Variants in CTSB observed in about 807,000 individuals in gnomAD.
The protein encoded by CTSB is APP secretase.
A neutral mutation model predicts 44.3 loss-of-function variants in CTSB; 57 were observed. That is an observed-to-expected ratio of 1.29 (90% confidence interval 1.04 to 1.60). The LOEUF (loss-of-function observed/expected upper bound fraction) is 1.60, where lower values mean the gene tolerates loss of function less well. Ranked by LOEUF, CTSB falls within the 40% of genes most tolerant of loss-of-function variation. The pLI, the probability that CTSB is intolerant of heterozygous loss-of-function variation, is 0.00. For synonymous variants in CTSB, 320 were observed against 168.0 expected (o/e 1.91, Z -7.00); for missense variants, 768 against 443.0 (o/e 1.73, Z -6.59).
chr8:11,867,102 G>C (rs1817264738), intron 1 of CTSB, among the ~76,000 whole-genome samples: 2 of 151,896 alleles, frequency 1.3e-5, no homozygotes, highest in South Asian at 2.1e-4. Context: ...GGCTTTCTCA[G>C]CGCCTGGGAA....
chr8:11,853,092 C>A (rs185634264), intron 2 of CTSB, among the ~76,000 whole-genome samples: 1 of 152,156 alleles, frequency 6.6e-6, no homozygotes, highest in Non-Finnish European at 1.5e-5. Context: ...CACACCTCCA[C>A]GTGCACACAA....
At chr8:11,860,338 G>C (rs1394714699) in intron 1 of CTSB, among the ~76,000 whole-genome samples, 1 of 151,912 alleles carries the variant, frequency 6.6e-6, no homozygotes, top group African/African-American at 2.4e-5. Flanking sequence ...AGAATTGAAA[G>C]TTGGCCGGGC....
In CTSB at chr8:11,848,909, G is replaced by A. The variant is rs149797657; in HGVS notation, c.446+137C>T. 1.9e-5 allele frequency: 12 copies of A among 618,776 alleles called. No individual in the cohort carries two copies. The East Asian group carries it at 3.3e-4, about 17-fold the overall frequency. The allele number at this position is 618,776 out of a possible 1,614,324, so 38.3% of individuals were successfully genotyped here. ...GCAGCAGCCTTGCCAGGCCCTGCCT[G>A]CCAGACTCTCGGAGTCTCCCCGAAA... On this transcript the variant is annotated intron_variant, in intron 5 of 9. Transcript: ENST00000353047.
chr8:11,867,683 C>T (rs1042260614), intron 1 of CTSB: 2 of 152,276 alleles, frequency 1.3e-5, no homozygotes, highest in African/African-American at 2.4e-5. Context: ...GCGCCTCCCT[C>T]GGCGGTCCTG....
chr8:11,847,071 G>C lies in CTSB; in HGVS notation c.774C>G (p.Asp258Glu). 1 of 1,605,512 alleles carries C rather than the reference G, an allele frequency of 6.2e-7. No individual in the cohort carries two copies. The highest frequency in any genetic ancestry group is 8.5e-7 in the Non-Finnish European group (1 of 1,172,792). Residue 258 changes from aspartate to glutamate, a missense_variant, in exon 8 of 10, where the codon GAC becomes GAG. Physicochemically the swap from Asp to Glu is conservative, Grantham distance 45. Transcript: ENST00000353047. ...PVEGAFSVYS[D>E]FLLYKSGVYQ... ...ACGCACCTGACTTGTAGAGCAGGAAGTCCGAATACACAGAGAAAGCTCCCT... is the reference window on the plus strand; with the variant it reads ...ACGCACCTGACTTGTAGAGCAGGAACTCCGAATACACAGAGAAAGCTCCCT...
At chr8:11,852,471 T>C (rs903824857) in intron 3 of CTSB, 139 bp downstream of exon 3, 1 of 523,756 alleles carries the variant, frequency 1.9e-6, no homozygotes, top group Non-Finnish European at 3.4e-6. Flanking sequence ...AAACAAGTAC[T>C]GTACCTCAAG....
rs1037018672 is a variant in CTSB, at chr8:11,844,987, T to C, written c.*138A>G. Reference sequence around the variant, plus strand: ...GGATGTAGCCAGGACTTGGTCTCCTTGGAAGACAGGTCTGATGTTTGGCCA... The same window carrying C: ...GGATGTAGCCAGGACTTGGTCTCCTCGGAAGACAGGTCTGATGTTTGGCCA... On this transcript the variant is annotated 3_prime_UTR_variant, in exon 10 of 10. Coordinates refer to ENST00000353047, the MANE Select transcript of CTSB (RefSeq NM_001908.5). 6.2e-6 allele frequency: 4 copies of C among 650,368 alleles called. No individual in the cohort carries two copies. The East Asian group carries it at 8.2e-5, about 13-fold the overall frequency. 40.3% of individuals were successfully genotyped at this position (650,368 alleles called of 1,614,324 possible). A position where few individuals can be genotyped will look rare whatever the true frequency, so the allele number is the denominator to read the frequency against.
intron 1 of CTSB, among the ~76,000 whole-genome samples, chr8:11,854,302 G>A (rs1010403593): frequency 2.0e-5 from 3 of 152,170 alleles, no homozygotes; most frequent in Non-Finnish European, 2.9e-5. Context: ...ACGGGTGGGT[G>A]AGGTGTTCTA....
chr8:11,852,005 G>C (rs1440505193), intron 3 of CTSB, among the ~76,000 whole-genome samples: 2 of 152,096 alleles, frequency 1.3e-5, no homozygotes, highest in Non-Finnish European at 2.9e-5. Context: ...AATTACTCAA[G>C]ATTGAGTCTG....
In CTSB at chr8:11,863,367, G is replaced by A. The variant is rs192308787; in HGVS notation, c.-26+4634C>T. On this transcript the variant is annotated intron_variant, in intron 1 of 9. Transcript: ENST00000353047. Reference sequence around the variant, plus strand: ...CCAGCTACTCAGGGGGCTGAGGCAGGAGAATCACTTGAACCCGGGAGGCGG... The same window carrying A: ...CCAGCTACTCAGGGGGCTGAGGCAGAAGAATCACTTGAACCCGGGAGGCGG... Among the ~76,000 whole-genome samples the A allele has an allele frequency of 2.1e-3, 321 of 152,034 alleles. 1 individual carries two copies. The highest frequency in any genetic ancestry group is 5.2e-3 in the Admixed American group (80 of 15,252).
At position 11,844,102 on chromosome 8, in the gene CTSB, C is replaced by CACTT. The variant is rs1211417815; in HGVS notation, c.*1019_*1022dup. 6 of 152,268 alleles carry CACTT rather than the reference C, an allele frequency of 3.9e-5. No homozygotes were observed. Among genetic ancestry groups the CACTT allele is most frequent in the Non-Finnish European group, 4.4e-5 (3 of 68,028 alleles). The allele number at this position is 152,268 out of a possible 1,614,324, so 9.4% of individuals were successfully genotyped here. A position where few individuals can be genotyped will look rare whatever the true frequency, so the allele number is the denominator to read the frequency against. On this transcript the variant is annotated 3_prime_UTR_variant, in exon 10 of 10. Transcript: ENST00000353047. The stretch of plus-strand genomic sequence containing the variant: ...CTTAAGCAAGGGCAAGCTTACCAGG[C>CACTT]ACTTACAGAGAAGGTTGACGAGGAT...
intron 1 of CTSB, chr8:11,864,336 A>C (rs932808963): frequency 6.6e-6 from 1 of 150,502 alleles, no homozygotes; most frequent in Non-Finnish European, 1.5e-5. Context: ...AAAAAAAAAA[A>C]AAAAAAACCT....
chr8:11,849,168 C>T lies in CTSB; in HGVS notation c.328-4G>A, dbSNP rs1264787919. 6.2e-7 allele frequency: 1 copy of T among 1,610,478 alleles called. No individual in the cohort carries two copies. On this transcript the variant is annotated splice_region_variant and splice_polypyrimidine_tract_variant and intron_variant, in intron 4 of 9. Transcript: ENST00000353047. ...TGGCTTCCACAGCCCCGAAGGCCTG[C>T]AGGAACGAGCCCCACCGGGTGAGGC...
At chr8:11,846,768 G>A (rs1001310015) in intron 8 of CTSB, among the ~76,000 whole-genome samples, 5 of 152,226 alleles carry the variant, frequency 3.3e-5, no homozygotes, top group African/African-American at 1.2e-4. Context: ...TTCCCACAGA[G>A]AACATGTATG....
At chr8:11,867,411 C>A (rs1817315145) in intron 1 of CTSB, 1 of 152,332 alleles carries the variant, frequency 6.6e-6, no homozygotes, top group South Asian at 2.1e-4. Flanking sequence ...GATTTAACAC[C>A]GTGCGGCTTC....
rs746704373 is a variant in CTSB, at chr8:11,849,184, C to T, written c.328-20G>A. 20 of 1,601,782 alleles carry T rather than the reference C, an allele frequency of 1.2e-5. No homozygotes were observed. In the Middle Eastern group the frequency reaches 5.9e-4, roughly 47 times the overall value. ...GAAGGCCTGCAGGAACGAGCCCCAC[C>T]GGGTGAGGCTGCCATGTCCGGGCTG... On this transcript the variant is annotated intron_variant, in intron 4 of 9. Coordinates refer to ENST00000353047, the MANE Select transcript of CTSB (RefSeq NM_001908.5).
intron 1 of CTSB, among the ~76,000 whole-genome samples, chr8:11,862,035 G>A (rs1003852413): frequency 1.3e-5 from 2 of 152,020 alleles, no homozygotes; most frequent in South Asian, 2.1e-4. Context: ...GTGAAACCCC[G>A]TTTCTACTAA....
chr8:11,853,417 A>G lies in CTSB; in HGVS notation c.38T>C (p.Val13Ala), dbSNP rs200211618. The G allele has an allele frequency of 6.2e-6, 10 of 1,612,608 alleles. No individual in the cohort carries two copies. The African/African-American group carries it at 1.3e-4, about 22-fold the overall frequency. The change falls in exon 2 of 10, where the codon GTG becomes GCG. Residue 13 changes from valine to alanine, a missense_variant. Coordinates refer to ENST00000353047, the MANE Select transcript of CTSB (RefSeq NM_001908.5). ...QLWASLCCLL[V>A]LANARSRPSF... ...GGGCCTGCTCCGGGCATTGGCCAACACCAGCAGGCAGCAGAGGGAGGCCCA... is the reference window on the plus strand; with the variant it reads ...GGGCCTGCTCCGGGCATTGGCCAACGCCAGCAGGCAGCAGAGGGAGGCCCA...
At chr8:11,847,398 G>GGCCAGGATACCTCAAGAC (rs1241281152) in intron 7 of CTSB, among the ~76,000 whole-genome samples, 3 of 152,194 alleles carry the variant, frequency 2.0e-5, no homozygotes, top group Non-Finnish European at 2.9e-5. Context: ...CCCCGGAAGA[G>GGCCAGGATACCTCAAGAC]GCCAGGATAC....
Sources: gnomAD v4.1 joint callset for allele counts (sites outside exome capture counted in the v4.1 genomes callset) on GRCh38, gnomAD v4.1.1 for gene constraint, MANE v1.5 for transcripts, NCBI Gene and HGNC (gene_info 2026-07-23, HGNC 2026-07-21) for gene names.